Variants in IGF1R observed in about 807,000 individuals in gnomAD.
IGF1R encodes insulin-like growth factor 1 receptor.
Under a neutral mutation model 144.6 loss-of-function variants are expected in IGF1R, and 44 were observed. The ratio of observed to expected loss-of-function variants is 0.30; its 90% confidence interval spans 0.24 to 0.39. IGF1R has a LOEUF of 0.39. Ranked by LOEUF, IGF1R falls within the 10% of genes least tolerant of loss-of-function variation. IGF1R has a pLI of 1.00. For synonymous variants in IGF1R, 795 were observed against 722.8 expected, an observed-to-expected ratio of 1.10 and a Z score of -1.60; for missense variants, 1,355 against 1,833.7, an observed-to-expected ratio of 0.74 and a Z score of 4.77.
At chr15:98,715,071 A>G (rs1310001878) in intron 2 of IGF1R, among the ~76,000 whole-genome samples, 2 of 152,202 alleles carry the variant, frequency 1.3e-5, no homozygotes, top group Non-Finnish European at 2.9e-5. Context: ...TGCTCTGGTC[A>G]GCTGCTCCCA....
At chr15:98,768,763 C>CAAAAAAAAAA (rs72476452) in intron 2 of IGF1R, among the ~76,000 whole-genome samples, 18 of 86,246 alleles carry the variant, frequency 2.1e-4, no homozygotes, top group East Asian at 3.6e-4. Context: ...ACTAAAAATA[C>CAAAAAAAAAA]AAAAAAAAAA....
At chr15:98,661,723 G>T (rs529850087) in intron 1 of IGF1R, among the ~76,000 whole-genome samples, 1 of 152,332 alleles carries the variant, frequency 6.6e-6, no homozygotes, top group Non-Finnish European at 1.5e-5. Flanking sequence ...AGGCCTCAGT[G>T]TCTCTGCCTG....
rs1048095186 is a variant in IGF1R at position 98,961,045 on chromosome 15, G to A, written c.*3603G>A. The A allele has an allele frequency of 1.9e-4, 45 of 233,660 alleles. No individual in the cohort carries two copies. Among genetic ancestry groups the A allele is most frequent in the Middle Eastern group, 1.3e-3 (1 of 786 alleles). 14.5% of individuals were successfully genotyped at this position (233,660 alleles called of 1,614,324 possible). A position where few individuals can be genotyped will look rare whatever the true frequency, so the allele number is the denominator to read the frequency against. ...GTGTGGCGGGCAGCTTTGCCTAAGCGTGGATGGCTCCTCGGCAATTCCAGC... is the reference window on the plus strand; with the variant it reads ...GTGTGGCGGGCAGCTTTGCCTAAGCATGGATGGCTCCTCGGCAATTCCAGC... On this transcript the variant is annotated 3_prime_UTR_variant, in exon 21 of 21. Transcript: ENST00000650285.
chr15:98,957,011 C>T (rs2151737680), intron 20 of IGF1R, 50 bp from the exon 21 acceptor site: 3 of 1,608,582 alleles, frequency 1.9e-6, no homozygotes, highest in South Asian at 1.1e-5. Flanking sequence ...AGCCTCCTGG[C>T]CATGTGCGCC....
chr15:98,862,755 A>G (rs952565019), intron 2 of IGF1R, among the ~76,000 whole-genome samples: 2 of 152,196 alleles, frequency 1.3e-5, no homozygotes, highest in African/African-American at 4.8e-5. Context: ...GTTGATGATC[A>G]TGCTGTAAGT....
At chr15:98,698,490 C>T (rs567427485) in intron 1 of IGF1R, among the ~76,000 whole-genome samples, 1 of 152,258 alleles carries the variant, frequency 6.6e-6, no homozygotes, top group Non-Finnish European at 1.5e-5. Context: ...CAGCCACTTT[C>T]TGCTGTCTCC....
intron 4 of IGF1R, 104 bp downstream of exon 4, chr15:98,897,009 G>C (rs2014233537): frequency 1.9e-6 from 2 of 1,066,880 alleles, no homozygotes; most frequent in African/African-American, 1.6e-5. Context: ...TATGGGCTTA[G>C]ATAAACAACA....
intron 2 of IGF1R, among the ~76,000 whole-genome samples, chr15:98,717,813 T>C (rs1328936779): frequency 1.3e-5 from 2 of 152,182 alleles, no homozygotes; most frequent in Admixed American, 1.3e-4. Context: ...GTGGTTAGAG[T>C]GGGCACAGTT....
In IGF1R at chr15:98,928,224, C is replaced by T. The variant is rs2015800394; in HGVS notation, c.2783-1334C>T. ...ATGAGCTGTCATACTGTATGAGCCT[C>T]ATCCTGGGGCCATGACTTACCAAGC... On this transcript the variant is annotated intron_variant, in intron 13 of 20. Transcript: ENST00000650285. 7.2e-5 allele frequency among the ~76,000 whole-genome samples: 11 copies of T among 152,164 alleles called. No homozygotes were observed. In the South Asian group the frequency reaches 2.3e-3, roughly 32 times the overall value.
Position 98,915,953 on chromosome 15 carries a change from C to T in IGF1R, c.1829-11C>T, listed in dbSNP as rs769941364. 5.6e-6 allele frequency: 9 copies of T among 1,613,230 alleles called. No individual in the cohort carries two copies. The highest frequency in any genetic ancestry group is 7.6e-6 in the Non-Finnish European group (9 of 1,179,206). On this transcript the variant is annotated splice_polypyrimidine_tract_variant and intron_variant, in intron 8 of 20. Coordinates refer to ENST00000650285, the MANE Select transcript of IGF1R (RefSeq NM_000875.5). The stretch of plus-strand genomic sequence containing the variant: ...TTCATTTTCTAGAATGTTCTTTGTT[C>T]CCCTCTCCAGTTCCTTCCATTCCCT...
intron 2 of IGF1R, among the ~76,000 whole-genome samples, chr15:98,818,684 T>TA (rs980702663): frequency 9.2e-5 from 14 of 152,154 alleles, no homozygotes; most frequent in African/African-American, 3.4e-4. Flanking sequence ...CTGTCCTGTG[T>TA]ATTGCAAAAT....
At chr15:98,952,256 A>G (rs1000377528) in intron 20 of IGF1R, among the ~76,000 whole-genome samples, 3 of 151,296 alleles carry the variant, frequency 2.0e-5, no homozygotes, top group African/African-American at 4.9e-5. Flanking sequence ...CACAGGGGAG[A>G]GGACCACTGG....
intron 6 of IGF1R, among the ~76,000 whole-genome samples, chr15:98,910,332 AC>A (rs1288658988): frequency 6.6e-6 from 1 of 152,224 alleles, no homozygotes; most frequent in Non-Finnish European, 1.5e-5. Context: ...AGATCATAAT[AC>A]ATAGTAGCCG....
chr15:98,769,943 C>T (rs2055541461), intron 2 of IGF1R, among the ~76,000 whole-genome samples: 1 of 152,152 alleles, frequency 6.6e-6, no homozygotes, highest in Admixed American at 6.5e-5. Flanking sequence ...TGGATTATTC[C>T]GGTGAGTGTT....
At chr15:98,912,527 T>G (rs2015068934) in intron 7 of IGF1R, among the ~76,000 whole-genome samples, 1 of 152,244 alleles carries the variant, frequency 6.6e-6, no homozygotes, top group African/African-American at 2.4e-5. Flanking sequence ...AGCTGGTAAT[T>G]TCACTGAGGA....
intron 2 of IGF1R, among the ~76,000 whole-genome samples, chr15:98,806,345 C>T (rs534997921): frequency 2.0e-5 from 3 of 152,272 alleles, no homozygotes; most frequent in East Asian, 1.9e-4. Context: ...CGAGGGCGCA[C>T]GAAGTGCTGT....
At position 98,775,479 on chromosome 15, in the gene IGF1R, C is replaced by T. The variant is rs547210435; in HGVS notation, c.640+67372C>T. Among the ~76,000 whole-genome samples the T allele has an allele frequency of 1.6e-4, 25 of 152,276 alleles. 1 individual carries two copies. The highest frequency in any genetic ancestry group is 4.6e-4 in the African/African-American group (19 of 41,552). Reference sequence around the variant, plus strand: ...GCAAACAAGTTCAGGGACCGTTGCCCTAGACACTGTTCTTCCCCTCATGTC... The same window carrying T: ...GCAAACAAGTTCAGGGACCGTTGCCTTAGACACTGTTCTTCCCCTCATGTC... On this transcript the variant is annotated intron_variant, in intron 2 of 20. Transcript: ENST00000650285.
chr15:98,951,629 T>C (rs1426723269), intron 20 of IGF1R, among the ~76,000 whole-genome samples: 1 of 152,238 alleles, frequency 6.6e-6, no homozygotes, highest in African/African-American at 2.4e-5. Flanking sequence ...TGCAGTCATC[T>C]GAAGGCTTGC....
chr15:98,716,523 C>T (rs2054120776), intron 2 of IGF1R, among the ~76,000 whole-genome samples: 1 of 152,202 alleles, frequency 6.6e-6, no homozygotes, highest in Non-Finnish European at 1.5e-5. Flanking sequence ...TAATCTGTAC[C>T]TGCCACTGGC....
Sources: allele counts gnomAD v4.1 joint callset (sites outside exome capture counted in the v4.1 genomes callset), GRCh38; gene constraint gnomAD v4.1.1; transcripts MANE v1.5; gene names NCBI Gene and HGNC (gene_info 2026-07-23, HGNC 2026-07-21).